Variants in KRAS observed in about 807,000 individuals in gnomAD.
KRAS encodes GTPase KRas.
Under a neutral mutation model 21.0 loss-of-function variants are expected in KRAS, and 1 was observed. The observed-to-expected ratio is 0.05, with a 90% CI of 0.02 to 0.23. KRAS has a LOEUF of 0.23. Among genes scored for constraint, KRAS ranks in the 10% least tolerant of loss-of-function variants. The pLI is 1.00. For missense variants in KRAS, 107 were observed against 221.8 expected (o/e 0.48, Z 3.29); for synonymous variants, 67 against 72.5 (o/e 0.92, Z 0.39).
chr12:25,246,886 C>T (rs1951690083), intron 1 of KRAS, among the ~76,000 whole-genome samples: 1 of 150,044 alleles, frequency 6.7e-6, no homozygotes, highest in African/African-American at 2.5e-5. Context: ...CACTGCACTC[C>T]AGCCTGGGCG....
intron 2 of KRAS, among the ~76,000 whole-genome samples, chr12:25,233,255 A>C (rs1951499510): frequency 6.6e-6 from 1 of 152,166 alleles, no homozygotes; most frequent in South Asian, 2.1e-4. Context: ...ATAGTTTATA[A>C]ATGTAGGTTA....
intron 2 of KRAS, among the ~76,000 whole-genome samples, chr12:25,229,231 T>C (rs1290244214): frequency 2.0e-5 from 3 of 152,192 alleles, no homozygotes; most frequent in East Asian, 3.8e-4. Flanking sequence ...AAAAATGGGA[T>C]AGCTCTACCA....
intron 2 of KRAS, chr12:25,234,947 C>G: frequency 3.7e-6 from 1 of 271,866 alleles, no homozygotes. Flanking sequence ...AAACTAATAA[C>G]TTTTACTAAA....
At chr12:25,229,867 C>T (rs1951443062) in intron 2 of KRAS, among the ~76,000 whole-genome samples, 2 of 151,240 alleles carry the variant, frequency 1.3e-5, no homozygotes, top group South Asian at 4.2e-4. Context: ...CTCCTGGGCT[C>T]GAGTGATTCT....
intron 3 of KRAS, 85 bp downstream of exon 3, chr12:25,227,149 A>T: frequency 1.1e-6 from 1 of 880,046 alleles, no homozygotes; most frequent in Non-Finnish European, 1.8e-6. Context: ...ATTAAATATT[A>T]TATGCATGGC....
intron 2 of KRAS, among the ~76,000 whole-genome samples, chr12:25,239,740 G>A (rs1239703732): frequency 6.6e-6 from 1 of 152,138 alleles, no homozygotes; most frequent in Non-Finnish European, 1.5e-5. Flanking sequence ...AGATCACGAG[G>A]TCAGGAGTTC....
chr12:25,225,286 T>TTATTTTTATTTA (rs1486092988), intron 4 of KRAS: 6 of 10,616 alleles, frequency 5.7e-4, no homozygotes, highest in African/African-American at 2.7e-3. Flanking sequence ...GCCCTGTTCT[T>TTATTTTTATTTA]TATATATATA....
chr12:25,225,548 T>G, intron 4 of KRAS, 66 bp downstream of exon 4: 1 of 1,473,592 alleles, frequency 6.8e-7, no homozygotes, highest in South Asian at 1.1e-5. Flanking sequence ...AAAACTGATA[T>G]ATTAAATGAC....
In KRAS at chr12:25,229,325, C is replaced by CA. The variant is rs557912984; in HGVS notation, c.112-1914dup. Among the ~76,000 whole-genome samples, 253 of 152,228 alleles carry CA rather than the reference C, an allele frequency of 1.7e-3. 2 individuals carry two copies. Among genetic ancestry groups the CA allele is most frequent in the African/African-American group, 5.4e-3 (225 of 41,534 alleles). On this transcript the variant is annotated intron_variant, in intron 2 of 4. Coordinates refer to ENST00000311936, the MANE Select transcript of KRAS (RefSeq NM_004985.5). ...GTCATGCATCTATTTTATCTATAGT[C>CA]AAAGGCACACATAAGGAAATGGGCA...
rs1056919825 is a variant in KRAS at position 25,207,651 on chromosome 12, T to A, written c.*2144A>T. 14 of 232,162 alleles carry A rather than the reference T, an allele frequency of 6.0e-5. No homozygotes were observed. Among genetic ancestry groups the A allele is most frequent in the African/African-American group, 2.9e-4 (13 of 45,434 alleles). 14.4% of individuals were successfully genotyped at this position (232,162 alleles called of 1,614,324 possible). A position where few individuals can be genotyped will look rare whatever the true frequency, so the allele number is the denominator to read the frequency against. ...ATTACCTAAGGAATTCTTTCAGCACTATCTTTATTAAATTCTCCTTCCACT... is the reference window on the plus strand; with the variant it reads ...ATTACCTAAGGAATTCTTTCAGCACAATCTTTATTAAATTCTCCTTCCACT... On this transcript the variant is annotated 3_prime_UTR_variant, in exon 5 of 5. Transcript: ENST00000311936.
chr12:25,209,212 G>A lies in KRAS; in HGVS notation c.*583C>T, dbSNP rs1565878577. The A allele has an allele frequency of 1.5e-6, 1 of 677,484 alleles. No homozygotes were observed. 42.0% of individuals were successfully genotyped at this position (677,484 alleles called of 1,614,324 possible). ...TTTTATAGAAAAAATATAATATTTT[G>A]GGGAGAGTGACCATGACTAATAGCA... is the stretch of plus-strand genomic sequence containing the variant. On this transcript the variant is annotated 3_prime_UTR_variant, in exon 5 of 5. Transcript: ENST00000311936.
At position 25,215,213 on chromosome 12, in the gene KRAS, A is replaced by C. The variant is rs985227580; in HGVS notation, c.451-5302T>G. 15 of 701,424 alleles carry C rather than the reference A, an allele frequency of 2.1e-5. No homozygotes were observed. The African/African-American group carries it at 2.9e-4, about 13-fold the overall frequency. 43.5% of individuals were successfully genotyped at this position (701,424 alleles called of 1,614,324 possible). A position where few individuals can be genotyped will look rare whatever the true frequency, so the allele number is the denominator to read the frequency against. The stretch of plus-strand genomic sequence containing the variant: ...AAGACTCATTAAATCATTAGACTTT[A>C]TGCCAAATATAGATTAGTCTACTAC... On this transcript the variant is annotated intron_variant, in intron 4 of 4. Coordinates refer to ENST00000311936, the MANE Select transcript of KRAS (RefSeq NM_004985.5).
intron 2 of KRAS, among the ~76,000 whole-genome samples, chr12:25,227,818 T>C (rs1260591293): frequency 6.6e-6 from 1 of 152,138 alleles, no homozygotes; most frequent in Non-Finnish European, 1.5e-5. Flanking sequence ...AACACAGAAT[T>C]ACCATATGAT....
chr12:25,220,594 G>A (rs1951307645), intron 4 of KRAS, among the ~76,000 whole-genome samples: 2 of 152,060 alleles, frequency 1.3e-5, no homozygotes, highest in Admixed American at 1.3e-4. Flanking sequence ...GGGCGTGGTG[G>A]TGTGCACCCA....
At chr12:25,231,073 A>G (rs939806862) in intron 2 of KRAS, among the ~76,000 whole-genome samples, 5 of 122,480 alleles carry the variant, frequency 4.1e-5, no homozygotes, top group Non-Finnish European at 8.6e-5. Flanking sequence ...CTTCCTACCT[A>G]TTGCTGCCAC....
intron 4 of KRAS, among the ~76,000 whole-genome samples, chr12:25,223,556 G>T (rs1405206511): frequency 6.6e-6 from 1 of 152,122 alleles, no homozygotes; most frequent in African/African-American, 2.4e-5. Flanking sequence ...AGATAAATCT[G>T]TACAATGGTC....
At position 25,225,702 on chromosome 12, in the gene KRAS, G is replaced by A. The variant is rs2141506147; in HGVS notation, c.362C>T (p.Pro121Leu). Residue 121 changes from proline to leucine, a missense_variant, in exon 4 of 5, where the codon CCT (proline) becomes CTT (leucine). This residue lies in a region of KRAS where 65 missense variants were observed against 82.3 expected (regional missense o/e 0.79). Coordinates refer to ENST00000311936, the MANE Select transcript of KRAS (RefSeq NM_004985.5). ...MVLVGNKCDLPSRTVDTKQAQ... is the reference protein window; with the variant it reads ...MVLVGNKCDLLSRTVDTKQAQ... The stretch of plus-strand genomic sequence containing the variant: ...CTGTTTTGTGTCTACTGTTCTAGAA[G>A]GCAAATCACATTTATTTCCTACTAG... 2 of 1,613,018 alleles carry A rather than the reference G, an allele frequency of 1.2e-6. No homozygotes were observed. Among genetic ancestry groups the A allele is most frequent in the Middle Eastern group, 3.3e-4 (2 of 6,042 alleles).
intron 1 of KRAS, among the ~76,000 whole-genome samples, chr12:25,248,991 G>C (rs183504999): frequency 4.5e-4 from 69 of 152,276 alleles, no homozygotes; most frequent in Non-Finnish European, 9.4e-4. Context: ...ATTCTGAGCT[G>C]ATAATTACAA....
At chr12:25,243,378 T>C (rs979819536) in intron 2 of KRAS, among the ~76,000 whole-genome samples, 1 of 152,170 alleles carries the variant, frequency 6.6e-6, no homozygotes, top group Non-Finnish European at 1.5e-5. Flanking sequence ...AGGTAACCAA[T>C]GCTTCCCAGA....
Sources: gnomAD v4.1 joint callset for allele counts (sites outside exome capture counted in the v4.1 genomes callset) on GRCh38, gnomAD v4.1.1 for gene constraint, gnomAD v4.1.1 regional missense constraint, MANE v1.5 for transcripts, NCBI Gene and HGNC (gene_info 2026-07-23, HGNC 2026-07-21) for gene names.